Variants in ST7L observed in about 807,000 individuals in gnomAD.
ST7L encodes the protein suppression of tumorigenicity 7 like.
A neutral mutation model predicts 72.5 loss-of-function variants in ST7L; 57 were observed. That is an observed-to-expected ratio of 0.79 (90% CI 0.64 to 0.98). ST7L has a LOEUF of 0.98. ST7L is among the 50% of genes least tolerant of loss of function. ST7L has a pLI of 0.00. For synonymous variants in ST7L, 221 were observed against 240.9 expected (o/e 0.92, Z 0.77); for missense variants, 576 against 672.2 (o/e 0.86, Z 1.58).
At chr1:112,618,032 G>C (rs1485036062) in intron 1 of ST7L, 2 of 1,303,844 alleles carry the variant, frequency 1.5e-6, no homozygotes, top group African/African-American at 3.0e-5. Context: ...CTCTGAACAG[G>C]AAAGGGGACA....
At chr1:112,571,384 T>G (rs1662111818) in intron 11 of ST7L, 1 of 450,894 alleles carries the variant, frequency 2.2e-6, no homozygotes, top group South Asian at 1.6e-5. Context: ...AATGTTAAAG[T>G]GTATATGTGT....
chr1:112,583,838 T>C, intron 7 of ST7L, 134 bp downstream of exon 7: 1 of 1,006,308 alleles, frequency 9.9e-7, no homozygotes, highest in Admixed American at 2.6e-5. Flanking sequence ...GTAGGTATTG[T>C]GAATAGATTA....
At chr1:112,548,862 C>T (rs1657603156) in intron 13 of ST7L, among the ~76,000 whole-genome samples, 1 of 152,204 alleles carries the variant, frequency 6.6e-6, no homozygotes, top group East Asian at 1.9e-4. Context: ...GACTGAAACA[C>T]TACCAGCAAT....
At chr1:112,531,216 G>C (rs936182407) in intron 14 of ST7L, among the ~76,000 whole-genome samples, 2 of 152,200 alleles carry the variant, frequency 1.3e-5, no homozygotes, top group African/African-American at 4.8e-5. Context: ...TTAGGAATGA[G>C]AGGATATAAA....
chr1:112,619,131 C>G lies in ST7L; in HGVS notation c.-18G>C, dbSNP rs140944883. On this transcript the variant is annotated 5_prime_UTR_variant, in exon 1 of 15. Coordinates refer to ENST00000358039, the MANE Select transcript of ST7L (RefSeq NM_017744.5). ...TCCGCCATCTTGCCGCTATCGCAGG[C>G]GCCAGGAGCTGGGAGGGGAGAAGGA... 672 of 1,611,634 alleles carry G rather than the reference C, an allele frequency of 4.2e-4. 1 individual carries two copies. The African/African-American group carries it at 7.6e-3, about 18-fold the overall frequency.
intron 5 of ST7L, among the ~76,000 whole-genome samples, chr1:112,597,527 A>C (rs866903890): frequency 1.3e-5 from 2 of 152,234 alleles, no homozygotes; most frequent in Admixed American, 6.5e-5. Context: ...AGAGAAAACT[A>C]AACACAGAAA....
intron 12 of ST7L, among the ~76,000 whole-genome samples, chr1:112,552,635 C>T (rs1299397772): frequency 6.6e-6 from 1 of 152,104 alleles, no homozygotes; most frequent in Non-Finnish European, 1.5e-5. Flanking sequence ...AACTCCCAAC[C>T]TCAGGTGATC....
chr1:112,577,433 G>A (rs1300197946), intron 10 of ST7L, among the ~76,000 whole-genome samples: 1 of 150,518 alleles, frequency 6.6e-6, no homozygotes, highest in Non-Finnish European at 1.5e-5. Context: ...GGGAGGCTGA[G>A]GCAGGAGAAT....
chr1:112,530,515 A>C (rs549332077), intron 14 of ST7L, among the ~76,000 whole-genome samples: 2 of 152,192 alleles, frequency 1.3e-5, no homozygotes, highest in East Asian at 1.9e-4. Context: ...CCCAGGTTCA[A>C]GCAATTCTCC....
intron 14 of ST7L, chr1:112,526,732 T>G (rs1421774602): frequency 7.8e-6 from 1 of 129,020 alleles, no homozygotes; most frequent in African/African-American, 2.9e-5. Flanking sequence ...AGAGCGAGAC[T>G]CCGTCACAAA....
intron 11 of ST7L, among the ~76,000 whole-genome samples, chr1:112,561,378 CAA>C (rs33953697): frequency 6.6e-5 from 6 of 90,556 alleles, no homozygotes; most frequent in Admixed American, 1.2e-4. Flanking sequence ...CTCCCTGCCT[CAA>C]AAAAAAAAAA....
intron 13 of ST7L, 63 bp from the exon 14 acceptor site, chr1:112,542,153 C>A: frequency 1.4e-6 from 2 of 1,417,246 alleles, no homozygotes; most frequent in East Asian, 2.5e-5. Flanking sequence ...AAGTCTTAAT[C>A]TTTTCAAATG....
chr1:112,619,095 C>G lies in ST7L; in HGVS notation c.19G>C (p.Val7Leu), dbSNP rs766090733. MADRGG[V>L]GEAAAVGASP... ...GCTCCAACAGCTGCGGCTTCACCCA[C>G]GCCGCCACGGTCCGCCATCTTGCCG... Residue 7 changes from valine to leucine, a missense_variant, in exon 1 of 15, where the codon GTG (valine) becomes CTG (leucine). Around this residue, in one of 3 missense-constraint regions of ST7L, gnomAD observed 56 missense variants for 45.8 expected, o/e 1.22. Transcript: ENST00000358039. 4 of 1,613,386 alleles carry G rather than the reference C, an allele frequency of 2.5e-6. No homozygotes were observed. Among genetic ancestry groups the G allele is most frequent in the Admixed American group, 3.3e-5 (2 of 60,010 alleles).
downstream of ST7L, chr1:112,520,447 A>C: frequency 6.2e-7 from 1 of 1,614,188 alleles, no homozygotes; most frequent in Non-Finnish European, 8.5e-7. Context: ...GGAATGCAGA[A>C]ATACTGTGGA....
intron 13 of ST7L, among the ~76,000 whole-genome samples, chr1:112,544,627 C>A (rs1056420111): frequency 6.6e-6 from 1 of 152,208 alleles, no homozygotes; most frequent in Non-Finnish European, 1.5e-5. Context: ...ACATACAAGA[C>A]AGCAAAGTTA....
chr1:112,536,398 A>G (rs1436662766), intron 14 of ST7L, among the ~76,000 whole-genome samples: 3 of 152,154 alleles, frequency 2.0e-5, no homozygotes, highest in Non-Finnish European at 2.9e-5. Context: ...TATAGTTATA[A>G]TTGTTTATTA....
At chr1:112,520,807 G>C (rs373531874), downstream of ST7L, 45 of 397,130 alleles carry the variant, frequency 1.1e-4, no homozygotes, top group East Asian at 1.3e-3. Flanking sequence ...AAAGTACGTA[G>C]TTGAGGCTCC....
chr1:112,582,238 C>G, intron 8 of ST7L, 132 bp from the exon 9 acceptor site: 5 of 869,732 alleles, frequency 5.7e-6, no homozygotes, highest in Non-Finnish European at 8.9e-6. Context: ...AAGAAAGGTA[C>G]GTATATTAAA....
At chr1:112,553,751 C>T (rs1469456534) in intron 12 of ST7L, among the ~76,000 whole-genome samples, 1 of 152,128 alleles carries the variant, frequency 6.6e-6, no homozygotes, top group African/African-American at 2.4e-5. Flanking sequence ...GAGCAACTAA[C>T]AAAACTCCAG....
Sources: gnomAD v4.1 joint callset for allele counts (sites outside exome capture counted in the v4.1 genomes callset) on GRCh38, gnomAD v4.1.1 for gene constraint, gnomAD v4.1.1 regional missense constraint, MANE v1.5 for transcripts, NCBI Gene and HGNC (gene_info 2026-07-23, HGNC 2026-07-21) for gene names.